CNTLN: variants seen among roughly 807,000 people sequenced by gnomAD.
The protein encoded by CNTLN is centlein, also known as centlein, centrosomal protein.
In CNTLN, 212 loss-of-function variants were observed where a neutral mutation model predicts 180.0. The ratio of observed to expected loss-of-function variants is 1.18; its 90% CI spans 1.05 to 1.32. The LOEUF is 1.32. Among genes scored for constraint, CNTLN ranks in the 40% most tolerant of loss-of-function variants. CNTLN has a pLI of 0.00. For missense variants in CNTLN, 2,095 were observed against 1,610.9 expected (o/e 1.30, Z -5.14); for synonymous variants, 722 against 563.1 (o/e 1.28, Z -3.99).
At chr9:17,139,118 C>T (rs1013198650) in intron 1 of CNTLN, among the ~76,000 whole-genome samples, 15 of 151,946 alleles carry the variant, frequency 9.9e-5, no homozygotes, top group Admixed American at 4.6e-4. Context: ...GATGCAGTCT[C>T]GCTCTGTCGC....
At chr9:17,524,243 G>A in the CNTLN span, among the ~76,000 whole-genome samples, 263 of 152,256 alleles carry the variant, frequency 1.7e-3, 1 homozygote, top group African/African-American at 5.9e-3. Flanking sequence ...GGCTCATGGG[G>A]TTATGGAGGC....
chr9:17,222,974 A>G (rs1338929043), intron 2 of CNTLN, among the ~76,000 whole-genome samples: 1 of 152,026 alleles, frequency 6.6e-6, no homozygotes, highest in African/African-American at 2.4e-5. Context: ...TCTTAAAAAT[A>G]TAGTAGTCTG....
chr9:17,457,552 G>A lies in CNTLN; in HGVS notation c.3143G>A (p.Arg1048Gln), dbSNP rs200594824. The A allele has an allele frequency of 3.9e-4, 592 of 1,503,026 alleles. 1 individual carries two copies. The highest frequency in any genetic ancestry group is 5.0e-4 in the Non-Finnish European group (564 of 1,123,036). 93.1% of individuals were successfully genotyped at this position (1,503,026 alleles called of 1,614,324 possible). Reference sequence around the variant, plus strand: ...CTAAATTTGGATTTGGCTGGGCTTCGGAAAGAAAAAGAAGATTTACTAAAG... The same window carrying A: ...CTAAATTTGGATTTGGCTGGGCTTCAGAAAGAAAAAGAAGATTTACTAAAG... ...KKLNLDLAGL[R>Q]KEKEDLLKKL... The change falls in exon 19 of 26, where the codon CGG becomes CAG. Residue 1048 changes from arginine to glutamine, a missense_variant. Arg to Gln is a conservative substitution (Grantham distance 43). Transcript: ENST00000380647.
intron 18 of CNTLN, among the ~76,000 whole-genome samples, chr9:17,448,973 C>T (rs79818186): frequency 0.011 from 1,720 of 152,212 alleles, 27 homozygotes; most frequent in African/African-American, 0.034. Context: ...CATCAAATAG[C>T]GCTACCATCC....
chr9:17,382,867 AT>A (rs1825368400), intron 13 of CNTLN, among the ~76,000 whole-genome samples: 1 of 152,108 alleles, frequency 6.6e-6, no homozygotes, highest in African/African-American at 2.4e-5. Context: ...TGCCTACCTC[AT>A]TAGCCTTATC....
intron 2 of CNTLN, among the ~76,000 whole-genome samples, chr9:17,218,875 A>G (rs1823941389): frequency 6.6e-6 from 1 of 152,168 alleles, no homozygotes; most frequent in African/African-American, 2.4e-5. Context: ...AACCCAGAAA[A>G]TATGATCCTG....
chr9:17,457,031 C>A (rs540760051), intron 18 of CNTLN, among the ~76,000 whole-genome samples: 1 of 152,224 alleles, frequency 6.6e-6, no homozygotes, highest in East Asian at 1.9e-4. Context: ...TGAACTAAAT[C>A]TCTAACAAGC....
chr9:17,333,119 T>C (rs1820755278), intron 10 of CNTLN, among the ~76,000 whole-genome samples: 1 of 152,074 alleles, frequency 6.6e-6, no homozygotes, highest in Non-Finnish European at 1.5e-5. Context: ...CTAGCTCAGA[T>C]CACTTACAAT....
chr9:17,336,223 C>T (rs533901910), intron 10 of CNTLN, among the ~76,000 whole-genome samples: 18 of 152,068 alleles, frequency 1.2e-4, no homozygotes, highest in Middle Eastern at 3.4e-3. Flanking sequence ...GATCATAATC[C>T]AAACTACAGT....
intron 2 of CNTLN, among the ~76,000 whole-genome samples, chr9:17,179,225 C>T (rs954765133): frequency 1.7e-5 from 2 of 115,224 alleles, no homozygotes; most frequent in Admixed American, 1.1e-4. Context: ...GCCTGGGCGA[C>T]AGAGCGAGAC....
chr9:17,312,672 G>C (rs1220341956), intron 8 of CNTLN, among the ~76,000 whole-genome samples: 4 of 150,816 alleles, frequency 2.7e-5, no homozygotes, highest in Admixed American at 2.0e-4. Flanking sequence ...CAAAGTGCTG[G>C]GATTACAGGC....
chr9:17,261,085 T>C (rs1301968334), intron 5 of CNTLN, among the ~76,000 whole-genome samples: 1 of 151,560 alleles, frequency 6.6e-6, no homozygotes, highest in Non-Finnish European at 1.5e-5. Flanking sequence ...TGTAGCCCTG[T>C]AGTATAGTTT....
intron 6 of CNTLN, among the ~76,000 whole-genome samples, chr9:17,294,038 C>T (rs969766135): frequency 3.3e-5 from 5 of 152,098 alleles, no homozygotes; most frequent in Admixed American, 2.0e-4. Context: ...GCGGCGTGTC[C>T]GGAGTTTGTT....
intron 2 of CNTLN, among the ~76,000 whole-genome samples, chr9:17,211,898 T>C (rs899687245): frequency 3.9e-5 from 6 of 152,194 alleles, no homozygotes; most frequent in Admixed American, 3.3e-4. Context: ...TTTTTGCACA[T>C]TGATTTTGTA....
At chr9:17,145,173 C>G (rs1233529265) in intron 2 of CNTLN, among the ~76,000 whole-genome samples, 4 of 152,136 alleles carry the variant, frequency 2.6e-5, no homozygotes, top group African/African-American at 9.7e-5. Flanking sequence ...ATCTCTGGGC[C>G]TTTTACCTGA....
At chr9:17,233,018 A>G (rs1482907846) in intron 3 of CNTLN, among the ~76,000 whole-genome samples, 3 of 152,000 alleles carry the variant, frequency 2.0e-5, no homozygotes, top group Admixed American at 6.6e-5. Context: ...CTGAGATGCT[A>G]TTTGTACTTA....
intron 10 of CNTLN, among the ~76,000 whole-genome samples, chr9:17,337,058 A>G (rs1199852652): frequency 2.0e-5 from 3 of 152,206 alleles, no homozygotes; most frequent in Non-Finnish European, 4.4e-5. Flanking sequence ...CATAATGACC[A>G]GTGATGATGA....
At chr9:17,307,509 A>C (rs575178361) in intron 7 of CNTLN, among the ~76,000 whole-genome samples, 2 of 152,218 alleles carry the variant, frequency 1.3e-5, no homozygotes, top group South Asian at 4.1e-4. Context: ...AGCTCAGGTG[A>C]TCTGCCCATC....
Position 17,297,378 on chromosome 9 carries a change from T to C in CNTLN, c.984-812T>C, listed in dbSNP as rs918319379. 1.2e-4 allele frequency among the ~76,000 whole-genome samples: 18 copies of C among 152,204 alleles called. 1 individual carries two copies. Among genetic ancestry groups the C allele is most frequent in the Admixed American group, 8.5e-4 (13 of 15,270 alleles). On this transcript the variant is annotated intron_variant, in intron 6 of 25. Transcript: ENST00000380647. ...CCATAGATAATAAGAGACTACTGTT[T>C]ATAGTATATTTTGATGTAATAGTGC...
Sources: gnomAD v4.1 joint callset for allele counts (sites outside exome capture counted in the v4.1 genomes callset) on GRCh38, gnomAD v4.1.1 for gene constraint, MANE v1.5 for transcripts, NCBI Gene and HGNC (gene_info 2026-07-23, HGNC 2026-07-21) for gene names.